The following INPP1 variants were observed in gnomAD, a reference collection of about 807,000 sequenced individuals.
The protein encoded by INPP1 is inositol polyphosphate-1-phosphatase.
INPP1 carries 18 observed loss-of-function variants against 23.0 expected under a neutral mutation model. That is an observed-to-expected ratio of 0.78 (90% CI 0.54 to 1.16). The LOEUF is 1.16. Ranked by LOEUF, INPP1 falls within the 50% of genes most tolerant of loss-of-function variation. The pLI is 0.00. For missense variants in INPP1, 448 were observed against 482.1 expected (o/e 0.93, Z 0.66); for synonymous variants, 164 against 176.3 (o/e 0.93, Z 0.55).
intron 3 of INPP1, 142 bp downstream of exon 3, chr2:190,360,448 T>A (rs1689514268): frequency 3.1e-6 from 2 of 639,386 alleles, no homozygotes; most frequent in Non-Finnish European, 5.3e-6. Context: ...ATTTTCTTCC[T>A]CCTTGTCATG....
At chr2:190,366,990 T>C (rs1689692727) in intron 5 of INPP1, 95 bp downstream of exon 5, 1 of 758,842 alleles carries the variant, frequency 1.3e-6, no homozygotes, top group Non-Finnish European at 2.2e-6. Flanking sequence ...TTATTGAGTG[T>C]AGTTTAACTC....
rs140255530 is a variant in INPP1 at position 190,346,139 on chromosome 2, T to C, written c.-209+2178T>C. Among the ~76,000 whole-genome samples the C allele has an allele frequency of 1.3e-5, 2 of 152,286 alleles. No individual in the cohort carries two copies. Among genetic ancestry groups the C allele is most frequent in the African/African-American group, 4.8e-5 (2 of 41,548 alleles). On this transcript the variant is annotated intron_variant, in intron 1 of 6. Transcript: ENST00000392329. This position sits in a 1 kb window ranked among gnomAD's most constrained non-coding sequence, Gnocchi z 5.1. ...AAGTCGGGGAGTGGGTAGAGTATAA[T>C]AGTGGTTTAAAAGATTCCCAGATTG...
In INPP1 at chr2:190,371,245, T is replaced by C. The variant is rs1265304369; in HGVS notation, c.1043T>C (p.Leu348Ser). The C allele has an allele frequency of 2.5e-6, 4 of 1,613,180 alleles. No homozygotes were observed. Among genetic ancestry groups the C allele is most frequent in the Non-Finnish European group, 3.4e-6 (4 of 1,179,422 alleles). ...AGAAATCCAGAAACAGGGCTTGATT[T>C]GCCACAGTTGGTGTACCACGTGGAA... The part of the protein sequence containing the change: ...LERNPETGLD[L>S]PQLVYHVENE... Residue 348 changes from leucine to serine, a missense_variant, in exon 7 of 7, where the codon TTG becomes TCG. Physicochemically the swap from Leu to Ser is moderately radical, Grantham distance 145. Transcript: ENST00000392329. This position sits in a 1 kb window ranked among gnomAD's most constrained non-coding sequence, Gnocchi z 5.3.
intron 4 of INPP1, 82 bp from the exon 5 acceptor site, chr2:190,366,613 C>A: frequency 1.0e-6 from 1 of 992,942 alleles, no homozygotes; most frequent in Admixed American, 1.8e-5. Flanking sequence ...CTCTGTCTCT[C>A]TCACTCTTTA....
Position 190,371,460 on chromosome 2 carries a change from C to A in INPP1, c.*58C>A. 7.4e-7 allele frequency: 1 copy of A among 1,355,800 alleles called. No individual in the cohort carries two copies. Among genetic ancestry groups the A allele is most frequent in the Non-Finnish European group, 9.9e-7 (1 of 1,011,936 alleles). 84.0% of individuals were successfully genotyped at this position (1,355,800 alleles called of 1,614,324 possible). On this transcript the variant is annotated 3_prime_UTR_variant, in exon 7 of 7. Coordinates refer to ENST00000392329, the MANE Select transcript of INPP1 (RefSeq NM_001128928.2). The surrounding 1 kb of genome is among the most constrained non-coding windows in gnomAD (Gnocchi z 5.3). ...TGAACTGTGAAACTGTTTCGGTTAT[C>A]TCTGTCTTTTGAGGATGGCTTTGTC...
intron 4 of INPP1, among the ~76,000 whole-genome samples, chr2:190,366,343 CTCTCTT>C (rs1267026058): frequency 1.3e-5 from 2 of 151,712 alleles, no homozygotes; most frequent in African/African-American, 2.4e-5. Context: ...CGCTCTGTCT[CTCTCTT>C]GCTTGCTCTG....
chr2:190,348,798 A>G (rs1464948637), intron 1 of INPP1, 90 bp from the exon 2 acceptor site: 1 of 152,240 alleles, frequency 6.6e-6, no homozygotes, highest in Non-Finnish European at 1.5e-5. Context: ...GAAGTTTTGA[A>G]CTGGAACAGA....
rs963811526 is a variant in INPP1, at chr2:190,343,736, T to G, written c.-434T>G. 1 of 152,194 alleles carries G rather than the reference T, an allele frequency of 6.6e-6. No individual in the cohort carries two copies. The highest frequency in any genetic ancestry group is 6.5e-5 in the Admixed American group (1 of 15,270). The allele number at this position is 152,194 out of a possible 1,614,324, so 9.4% of individuals were successfully genotyped here. ...TGGCTGAGGCCAAGCTCGGATCCGG[T>G]GCCGAGCCAAGCGGGGCCGTGCGTC... is the stretch of plus-strand genomic sequence containing the variant. On this transcript the variant is annotated 5_prime_UTR_variant, in exon 1 of 7. Transcript: ENST00000392329.
rs1049138217 is a variant in INPP1 at position 190,363,539 on chromosome 2, AATAGTGAAC to A, written c.265+855_265+863del. ...TTTGGATTTAATAGTAGAAGAATAAAATAGTGAACATTAAATACTGATCATGTGACAAAT... is the reference window on the plus strand; with the variant it reads ...TTTGGATTTAATAGTAGAAGAATAAAATTAAATACTGATCATGTGACAAAT... On this transcript the variant is annotated intron_variant, in intron 4 of 6. Transcript: ENST00000392329. The surrounding 1 kb of genome is among the most constrained non-coding windows in gnomAD (Gnocchi z 4.4). Among the ~76,000 whole-genome samples the A allele has an allele frequency of 4.6e-5, 7 of 152,218 alleles. No individual in the cohort carries two copies. The highest frequency in any genetic ancestry group is 1.7e-4 in the African/African-American group (7 of 41,464).
In INPP1 at chr2:190,354,456, A is replaced by C. The variant is rs978203269; in HGVS notation, c.-65+5425A>C. Among the ~76,000 whole-genome samples the C allele has an allele frequency of 1.3e-5, 2 of 152,192 alleles. No homozygotes were observed. The highest frequency in any genetic ancestry group is 4.8e-5 in the African/African-American group (2 of 41,438). Reference sequence around the variant, plus strand: ...CTGTACTTGCAGATAGGACCTTTAAAGTTTATGTGAGGTCATACAGGCGGA... The same window carrying C: ...CTGTACTTGCAGATAGGACCTTTAACGTTTATGTGAGGTCATACAGGCGGA... On this transcript the variant is annotated intron_variant, in intron 2 of 6. Transcript: ENST00000392329. This position sits in a 1 kb window ranked among gnomAD's most constrained non-coding sequence, Gnocchi z 4.8.
At chr2:190,358,773 A>C (rs557446479) in intron 2 of INPP1, among the ~76,000 whole-genome samples, 329 of 152,340 alleles carry the variant, frequency 2.2e-3, no homozygotes, top group Non-Finnish European at 3.7e-3. Context: ...TCCTAATTGC[A>C]GGAAAGCCCC....
intron 4 of INPP1, among the ~76,000 whole-genome samples, chr2:190,364,310 C>A (rs1176199815): frequency 1.3e-5 from 2 of 151,868 alleles, no homozygotes; most frequent in East Asian, 3.9e-4. Flanking sequence ...GAGGCCAGGG[C>A]GGGTGGATCA....
At position 190,354,925 on chromosome 2, in the gene INPP1, G is replaced by GGTGTGTGTGT. The variant is rs71027214; in HGVS notation, c.-64-5102_-64-5093dup. Among the ~76,000 whole-genome samples the GGTGTGTGTGT allele has an allele frequency of 0.013, 1,918 of 146,596 alleles. 55 individuals carry two copies. Among genetic ancestry groups the GGTGTGTGTGT allele is most frequent in the African/African-American group, 0.045 (1,754 of 39,392 alleles). On this transcript the variant is annotated intron_variant, in intron 2 of 6. Coordinates refer to ENST00000392329, the MANE Select transcript of INPP1 (RefSeq NM_001128928.2). This position sits in a 1 kb window ranked among gnomAD's most constrained non-coding sequence, Gnocchi z 4.8. ...AACCTAGTGACAGATATCAACTAGG[G>GGTGTGTGTGT]GTGTGTGTGTGTGTGTGTGTGCATT... is the stretch of plus-strand genomic sequence containing the variant.
At chr2:190,347,178 A>AT (rs1206359421) in intron 1 of INPP1, among the ~76,000 whole-genome samples, 2 of 151,568 alleles carry the variant, frequency 1.3e-5, no homozygotes, top group African/African-American at 4.8e-5. Flanking sequence ...CACCAGGCTA[A>AT]TTTTTTGTAT....
intron 2 of INPP1, among the ~76,000 whole-genome samples, chr2:190,351,722 TGTTTGGGTTATTACCA>T (rs1442290000): frequency 6.6e-6 from 1 of 152,228 alleles, no homozygotes; most frequent in Non-Finnish European, 1.5e-5. Context: ...TATTGATGCT[TGTTTGGGTTATTACCA>T]ATGTTAGATT....
At position 190,369,007 on chromosome 2, in the gene INPP1, A is replaced by G. The variant is rs2124945664; in HGVS notation, c.467-96A>G. ...CAGTGACATCCAAAGGTAAAAAATT[A>G]TTGGTTACCAAATCAGTAGAAGAGA... On this transcript the variant is annotated intron_variant, in intron 5 of 6. Coordinates refer to ENST00000392329, the MANE Select transcript of INPP1 (RefSeq NM_001128928.2). 3 of 656,586 alleles carry G rather than the reference A, an allele frequency of 4.6e-6. No homozygotes were observed. In the East Asian group the frequency reaches 8.7e-5, roughly 19 times the overall value. The allele number at this position is 656,586 out of a possible 1,614,324, so 40.7% of individuals were successfully genotyped here. A position where few individuals can be genotyped will look rare whatever the true frequency, so the allele number is the denominator to read the frequency against.
rs538614247 is a variant in INPP1 at position 190,352,851 on chromosome 2, G to A, written c.-65+3820G>A. ...CTTGTAAAACACCCAGATATTTCACGGAAGCTTGGCCTTTTCCACTAGCAG... is the reference window on the plus strand; with the variant it reads ...CTTGTAAAACACCCAGATATTTCACAGAAGCTTGGCCTTTTCCACTAGCAG... On this transcript the variant is annotated intron_variant, in intron 2 of 6. Coordinates refer to ENST00000392329, the MANE Select transcript of INPP1 (RefSeq NM_001128928.2). This position sits in a 1 kb window ranked among gnomAD's most constrained non-coding sequence, Gnocchi z 4.7. 6.6e-6 allele frequency among the ~76,000 whole-genome samples: 1 copy of A among 152,274 alleles called. No individual in the cohort carries two copies. The highest frequency in any genetic ancestry group is 2.1e-4 in the South Asian group (1 of 4,818).
At chr2:190,349,849 G>A (rs541518985) in intron 2 of INPP1, among the ~76,000 whole-genome samples, 5 of 152,184 alleles carry the variant, frequency 3.3e-5, no homozygotes, top group East Asian at 1.9e-4. Context: ...AGTTTTTGTC[G>A]GTTTGTTTGT....
Position 190,354,729 on chromosome 2 carries a change from A to T in INPP1, c.-64-5310A>T, listed in dbSNP as rs1329868450. Reference sequence around the variant, plus strand: ...CAAACTAACACCAGAAGAATTAGGTATTGGGCATGCCCCCTGCCATCAATG... The same window carrying T: ...CAAACTAACACCAGAAGAATTAGGTTTTGGGCATGCCCCCTGCCATCAATG... On this transcript the variant is annotated intron_variant, in intron 2 of 6. Transcript: ENST00000392329. This position sits in a 1 kb window ranked among gnomAD's most constrained non-coding sequence, Gnocchi z 4.8. 6.6e-6 allele frequency among the ~76,000 whole-genome samples: 1 copy of T among 152,226 alleles called. No homozygotes were observed. The highest frequency in any genetic ancestry group is 2.4e-5 in the African/African-American group (1 of 41,468).
Sources: allele counts gnomAD v4.1 joint callset (sites outside exome capture counted in the v4.1 genomes callset), GRCh38; gene constraint gnomAD v4.1.1; non-coding constraint Gnocchi (gnomAD v3.1); transcripts MANE v1.5; gene names NCBI Gene and HGNC (gene_info 2026-07-23, HGNC 2026-07-21).